Variants in ZC3H11A observed in about 807,000 individuals in gnomAD.
ZC3H11A encodes zinc finger CCCH-type containing 11A.
In ZC3H11A, 22 loss-of-function variants were observed where a neutral mutation model predicts 90.8. That is an observed-to-expected ratio of 0.24 (90% CI 0.17 to 0.35). The LOEUF (loss-of-function observed/expected upper bound fraction) is 0.35, where lower values mean the gene tolerates loss of function less well. Among genes scored for constraint, ZC3H11A ranks in the 10% least tolerant of loss-of-function variants. The probability of loss-of-function intolerance (pLI) is 1.00; values close to 1 mark genes in which losing one functional copy is unlikely to be tolerated. For missense variants in ZC3H11A, 701 were observed against 964.9 expected (o/e 0.73, Z 3.62); for synonymous variants, 294 against 339.8 (o/e 0.87, Z 1.48).
rs546685980 is a variant in ZC3H11A at position 203,843,541 on chromosome 1, A to G, written c.1042+3167A>G. 2.0e-5 allele frequency among the ~76,000 whole-genome samples: 3 copies of G among 152,296 alleles called. No individual in the cohort carries two copies. In the South Asian group the frequency reaches 6.2e-4, roughly 32 times the overall value. ...CAATTTTTTTCCTGTAAAGGGTCGGATATAAATAACTTTGCAGTCCACAGT... is the reference window on the plus strand; with the variant it reads ...CAATTTTTTTCCTGTAAAGGGTCGGGTATAAATAACTTTGCAGTCCACAGT... On this transcript the variant is annotated intron_variant, in intron 12 of 17. Transcript: ENST00000367210.
intron 1 of ZC3H11A, chr1:203,799,640 C>T (rs975333048): frequency 3.6e-5 from 25 of 703,278 alleles, no homozygotes; most frequent in Admixed American, 3.4e-4. Context: ...GCGTGAAGAC[C>T]GCAGGATTGA....
At chr1:203,809,621 C>T (rs1341755054) in intron 2 of ZC3H11A, among the ~76,000 whole-genome samples, 1 of 152,000 alleles carries the variant, frequency 6.6e-6, no homozygotes, top group East Asian at 1.9e-4. Context: ...CATTATTTTT[C>T]TTGGCTTCAT....
At chr1:203,830,099 T>G (rs776753959) in intron 7 of ZC3H11A, 24 bp from the exon 8 acceptor site, 9 of 1,563,608 alleles carry the variant, frequency 5.8e-6, no homozygotes, top group Non-Finnish European at 2.6e-6. Flanking sequence ...CCGTTCCTCA[T>G]AAAATTTCTA....
intron 10 of ZC3H11A, among the ~76,000 whole-genome samples, chr1:203,836,444 T>C (rs1042582114): frequency 3.3e-5 from 5 of 152,140 alleles, no homozygotes; most frequent in African/African-American, 1.2e-4. Flanking sequence ...ACAACTTGTA[T>C]TGAACAGTGT....
chr1:203,844,076 C>G (rs1368770144), intron 12 of ZC3H11A, among the ~76,000 whole-genome samples: 1 of 152,112 alleles, frequency 6.6e-6, no homozygotes, highest in Non-Finnish European at 1.5e-5. Context: ...AGGCTGGTCT[C>G]GAACTCCCGA....
intron 2 of ZC3H11A, chr1:203,805,806 T>C: frequency 1.3e-6 from 1 of 791,694 alleles, no homozygotes; most frequent in Non-Finnish European, 2.2e-6. Context: ...CATCTAATTC[T>C]GGGCCGCCAT....
At chr1:203,797,717 GAA>G in intron 1 of ZC3H11A, 1 of 1,535,250 alleles carries the variant, frequency 6.5e-7, no homozygotes, top group Non-Finnish European at 8.7e-7. Context: ...AGAAAAGAAA[GAA>G]GGGTTTGCGA....
At chr1:203,808,507 C>T (rs1673137325) in intron 2 of ZC3H11A, among the ~76,000 whole-genome samples, 1 of 152,090 alleles carries the variant, frequency 6.6e-6, no homozygotes, top group South Asian at 2.1e-4. Flanking sequence ...AGGAAATGTT[C>T]TTATATTGTT....
At chr1:203,829,341 TA>T in intron 5 of ZC3H11A, 109 bp from the exon 6 acceptor site, 1 of 1,105,144 alleles carries the variant, frequency 9.0e-7, no homozygotes, top group Non-Finnish European at 1.3e-6. Flanking sequence ...AAATTTAGTA[TA>T]AATGCTCATA....
At chr1:203,829,926 T>C (rs368118849) in intron 7 of ZC3H11A, 30 bp downstream of exon 7, 17 of 1,587,422 alleles carry the variant, frequency 1.1e-5, no homozygotes, top group East Asian at 4.5e-5. Flanking sequence ...GTGCCTCTTA[T>C]AGCACTGTTG....
chr1:203,831,892 G>A (rs1682505083), intron 9 of ZC3H11A, 121 bp downstream of exon 9: 2 of 739,276 alleles, frequency 2.7e-6, no homozygotes, highest in Admixed American at 5.7e-5. Context: ...ATGCTGATGA[G>A]ATAATCTAAA....
At chr1:203,828,467 A>G (rs745895948) in intron 5 of ZC3H11A, 45 bp downstream of exon 5, 22 of 1,561,830 alleles carry the variant, frequency 1.4e-5, no homozygotes, top group African/African-American at 2.7e-5. Flanking sequence ...ATGAACACCT[A>G]TTATGCACAC....
At chr1:203,809,560 A>C (rs1301649960) in intron 2 of ZC3H11A, among the ~76,000 whole-genome samples, 1 of 152,196 alleles carries the variant, frequency 6.6e-6, no homozygotes, top group Admixed American at 6.5e-5. Flanking sequence ...TTTTAAAATA[A>C]TATGTCCTTT....
intron 4 of ZC3H11A, among the ~76,000 whole-genome samples, chr1:203,820,108 G>A (rs990360038): frequency 1.4e-4 from 22 of 151,806 alleles, no homozygotes; most frequent in Admixed American, 9.2e-4. Context: ...GGTGGCACGC[G>A]TCTGTAATCC....
At chr1:203,843,624 C>T (rs1304140390) in intron 12 of ZC3H11A, among the ~76,000 whole-genome samples, 1 of 152,144 alleles carries the variant, frequency 6.6e-6, no homozygotes. Context: ...CATATGTATG[C>T]AATATGTAAA....
In ZC3H11A at chr1:203,829,636, G is replaced by T; in HGVS notation, c.484G>T (p.Asp162Tyr). The change falls in exon 6 of 18, where the codon GAT (aspartate) becomes TAT (tyrosine). Residue 162 changes from aspartate (D) to tyrosine (Y), a missense_variant. Physicochemically the swap from Asp to Tyr is radical, Grantham distance 160 (BLOSUM62 -3). Around this residue, in one of 4 missense-constraint regions of ZC3H11A, gnomAD observed 530 missense variants for 696.2 expected, o/e 0.76. Transcript: ENST00000367210. Reference protein sequence around the residue: ...HPPVVINAADDDEDDDDQFSE... With the variant: ...HPPVVINAADYDEDDDDQFSE... Reference sequence around the variant, plus strand: ...ACCAGTTGTAATTAATGCTGCAGATGATGATGAAGATGATGATGGTAAGTT... The same window carrying T: ...ACCAGTTGTAATTAATGCTGCAGATTATGATGAAGATGATGATGGTAAGTT... The T allele has an allele frequency of 6.2e-7, 1 of 1,614,200 alleles. No individual in the cohort carries two copies. The highest frequency in any genetic ancestry group is 1.1e-5 in the South Asian group (1 of 91,082).
At chr1:203,799,768 T>C in intron 1 of ZC3H11A, 2 of 962,140 alleles carry the variant, frequency 2.1e-6, no homozygotes, top group South Asian at 1.4e-5. Flanking sequence ...TCTCTGAAAC[T>C]TGAAACAGAT....
intron 2 of ZC3H11A, among the ~76,000 whole-genome samples, chr1:203,812,428 A>G (rs1674797402): frequency 6.6e-6 from 1 of 152,124 alleles, no homozygotes; most frequent in Non-Finnish European, 1.5e-5. Context: ...CTCTGGCTCC[A>G]TTCATGTCCC....
In ZC3H11A at chr1:203,848,313, T is replaced by C; in HGVS notation, c.1547-18T>C. Reference sequence around the variant, plus strand: ...AGCTTAAATAAAATAACTAATGATGTCTTTAATGTGAATACAGGGATGAAA... The same window carrying C: ...AGCTTAAATAAAATAACTAATGATGCCTTTAATGTGAATACAGGGATGAAA... On this transcript the variant is annotated intron_variant, in intron 13 of 17. Coordinates refer to ENST00000367210, the MANE Select transcript of ZC3H11A (RefSeq NM_001376342.1). The C allele has an allele frequency of 6.3e-7, 1 of 1,589,994 alleles. No individual in the cohort carries two copies. Among genetic ancestry groups the C allele is most frequent in the Non-Finnish European group, 8.5e-7 (1 of 1,170,230 alleles).
Sources: allele counts gnomAD v4.1 joint callset (sites outside exome capture counted in the v4.1 genomes callset), GRCh38; gene constraint gnomAD v4.1.1; regional missense constraint gnomAD v4.1.1; transcripts MANE v1.5; gene names NCBI Gene and HGNC (gene_info 2026-07-23, HGNC 2026-07-21).